The following FSTL5 variants were observed in gnomAD, a reference collection of about 807,000 sequenced individuals.
The protein encoded by FSTL5 is follistatin like 5, also known as follistatin-related protein 5.
Under a neutral mutation model 89.1 loss-of-function variants are expected in FSTL5, and 62 were observed. The observed-to-expected ratio is 0.70, with a 90% CI of 0.57 to 0.86. The LOEUF (loss-of-function observed/expected upper bound fraction) is 0.86, where lower values mean the gene tolerates loss of function less well. Ranked by LOEUF, FSTL5 falls within the 40% of genes least tolerant of loss-of-function variation. FSTL5 has a pLI of 0.00. For synonymous variants in FSTL5, 383 were observed against 346.2 expected (o/e 1.11, Z -1.18); for missense variants, 1,057 against 1,001.6 (o/e 1.06, Z -0.75).
intron 5 of FSTL5, among the ~76,000 whole-genome samples, chr4:161,762,197 T>G (rs1213116125): frequency 2.0e-5 from 3 of 152,202 alleles, no homozygotes; most frequent in Non-Finnish European, 4.4e-5. Flanking sequence ...AGACGGAGTC[T>G]TGCTCTGTCG....
intron 8 of FSTL5, among the ~76,000 whole-genome samples, chr4:161,564,254 T>TAA (rs1468165086): frequency 1.3e-5 from 2 of 151,038 alleles, no homozygotes; most frequent in East Asian, 3.9e-4. Context: ...CACATGCAAG[T>TAA]ACACACACAA....
intron 15 of FSTL5, among the ~76,000 whole-genome samples, chr4:161,444,777 G>A (rs1021757769): frequency 7.2e-5 from 11 of 151,900 alleles, no homozygotes; most frequent in Non-Finnish European, 8.8e-5. Context: ...CACATCAGTC[G>A]TTAGGTTTTA....
At chr4:161,476,182 T>TTG (rs1553990017) in intron 13 of FSTL5, among the ~76,000 whole-genome samples, 1 of 103,754 alleles carries the variant, frequency 9.6e-6, no homozygotes, top group Non-Finnish European at 1.9e-5. Flanking sequence ...GGTTTTTTTT[T>TTG]TTTTTTGTTT....
At chr4:161,462,830 T>C (rs1223603783) in intron 13 of FSTL5, among the ~76,000 whole-genome samples, 1 of 151,976 alleles carries the variant, frequency 6.6e-6, no homozygotes, top group Non-Finnish European at 1.5e-5. Flanking sequence ...AAATGAGACC[T>C]AGAAGAGAAA....
chr4:161,603,271 T>C (rs1734315104), intron 7 of FSTL5, among the ~76,000 whole-genome samples: 1 of 152,138 alleles, frequency 6.6e-6, no homozygotes. Context: ...TGTTTTTTGG[T>C]TTCCCAGTGC....
intron 10 of FSTL5, among the ~76,000 whole-genome samples, chr4:161,512,335 T>C (rs1730679096): frequency 2.0e-5 from 3 of 152,104 alleles, no homozygotes; most frequent in Admixed American, 2.0e-4. Context: ...TCTGTGCCCA[T>C]AGAACCTATA....
chr4:161,886,349 G>T (rs958238299), intron 4 of FSTL5, among the ~76,000 whole-genome samples: 2 of 152,144 alleles, frequency 1.3e-5, no homozygotes, highest in Non-Finnish European at 1.5e-5. Context: ...AGTGTGTGTG[G>T]AGTTTAGAAT....
chr4:161,892,893 T>C (rs2053430), intron 4 of FSTL5, among the ~76,000 whole-genome samples: 108,055 of 151,962 alleles, frequency 0.71, 39,516 homozygotes, highest in Middle Eastern at 0.83. Context: ...AATAGTTACA[T>C]GCACATTTCA....
intron 3 of FSTL5, among the ~76,000 whole-genome samples, chr4:161,968,451 C>A (rs1031133215): frequency 6.6e-6 from 1 of 152,012 alleles, no homozygotes; most frequent in African/African-American, 2.4e-5. Flanking sequence ...AATCAAATAA[C>A]TGCATTACTT....
chr4:161,853,575 A>C (rs1052182223), intron 4 of FSTL5, among the ~76,000 whole-genome samples: 2 of 151,806 alleles, frequency 1.3e-5, no homozygotes, highest in African/African-American at 4.8e-5. Context: ...TTTCACTCTT[A>C]AAAAGGAAAA....
At chr4:161,556,441 AT>A (rs1484516192) in intron 8 of FSTL5, among the ~76,000 whole-genome samples, 2 of 151,582 alleles carry the variant, frequency 1.3e-5, no homozygotes, top group African/African-American at 4.8e-5. Flanking sequence ...AAAATATAAC[AT>A]GTCTTGCATC....
At chr4:161,733,210 G>T (rs1739677041) in intron 6 of FSTL5, among the ~76,000 whole-genome samples, 1 of 151,746 alleles carries the variant, frequency 6.6e-6, no homozygotes, top group African/African-American at 2.4e-5. Flanking sequence ...GGTCAGATTT[G>T]TCCTAATACA....
intron 12 of FSTL5, among the ~76,000 whole-genome samples, chr4:161,489,794 C>T (rs144060779): frequency 3.3e-4 from 50 of 152,240 alleles, no homozygotes; most frequent in African/African-American, 1.2e-3. Flanking sequence ...CCAAAGTACA[C>T]CTTTCTGTAC....
chr4:161,489,883 T>C (rs531906997), intron 12 of FSTL5, among the ~76,000 whole-genome samples: 1 of 151,892 alleles, frequency 6.6e-6, no homozygotes, highest in East Asian at 1.9e-4. Context: ...TTAATGCAGC[T>C]TTTAAAACAT....
At chr4:162,062,348 C>T (rs1738748870) in intron 2 of FSTL5, among the ~76,000 whole-genome samples, 2 of 151,888 alleles carry the variant, frequency 1.3e-5, no homozygotes, top group South Asian at 4.1e-4. Flanking sequence ...AAATTCCTAA[C>T]ATTGTGTACT....
intron 6 of FSTL5, among the ~76,000 whole-genome samples, chr4:161,683,665 CATT>C (rs1490022997): frequency 4.6e-5 from 7 of 152,010 alleles, no homozygotes; most frequent in Non-Finnish European, 8.8e-5. Context: ...GAGTATAAAT[CATT>C]ATATCATTAC....
At chr4:161,611,214 ATGTG>A (rs1734630161) in intron 7 of FSTL5, among the ~76,000 whole-genome samples, 1 of 130,338 alleles carries the variant, frequency 7.7e-6, no homozygotes, top group Non-Finnish European at 1.6e-5. Context: ...ATATGTGTAT[ATGTG>A]TGTATGTGTA....
At chr4:161,468,840 A>T (rs1267244654) in intron 13 of FSTL5, among the ~76,000 whole-genome samples, 1 of 152,070 alleles carries the variant, frequency 6.6e-6, no homozygotes, top group Non-Finnish European at 1.5e-5. Context: ...GATAGTATTA[A>T]TTGTGACTTT....
intron 2 of FSTL5, among the ~76,000 whole-genome samples, chr4:162,085,444 T>C (rs1232791899): frequency 6.6e-6 from 1 of 152,084 alleles, no homozygotes; most frequent in Non-Finnish European, 1.5e-5. Context: ...AAATTTTAAT[T>C]ATAATAATTT....
Sources: gnomAD v4.1 joint callset for allele counts (sites outside exome capture counted in the v4.1 genomes callset) on GRCh38, gnomAD v4.1.1 for gene constraint, MANE v1.5 for transcripts, NCBI Gene and HGNC (gene_info 2026-07-23, HGNC 2026-07-21) for gene names.